The following TLL1 variants were observed in gnomAD, a reference collection of about 807,000 sequenced individuals.
TLL1 encodes the protein tolloid like 1.
In TLL1, 49 loss-of-function variants were observed where a neutral mutation model predicts 128.2. The ratio of observed to expected loss-of-function variants is 0.38; its 90% CI spans 0.30 to 0.48. The LOEUF (loss-of-function observed/expected upper bound fraction) is 0.48. Ranked by LOEUF, TLL1 falls within the 20% of genes least tolerant of loss-of-function variation. The pLI is 0.96. For synonymous variants in TLL1, 454 were observed against 418.8 expected (o/e 1.08, Z -1.03); for missense variants, 1,123 against 1,242.0 (o/e 0.90, Z 1.44).
chr4:166,025,371 CA>C lies in TLL1; in HGVS notation c.1100del (p.Asn367MetfsTer15), dbSNP rs1367601082. On this transcript the variant is annotated frameshift_variant, in exon 9 of 21. Transcript: ENST00000061240. LOFTEE classifies it high-confidence loss of function. ...NGNLSSPGFP[N>X]GYPSYTHCIW... Reference sequence around the variant, plus strand: ...GCAACCTTTCCTCTCCAGGATTTCCCAATGGCTACCCTTCTTACACACACTG... The same window carrying C: ...GCAACCTTTCCTCTCCAGGATTTCCCATGGCTACCCTTCTTACACACACTG... 1 of 1,613,808 alleles carries C rather than the reference CA, an allele frequency of 6.2e-7. No homozygotes were observed. The highest frequency in any genetic ancestry group is 1.3e-5 in the African/African-American group (1 of 74,884).
At chr4:165,915,077 A>T (rs968206274) in intron 1 of TLL1, among the ~76,000 whole-genome samples, 1 of 152,098 alleles carries the variant, frequency 6.6e-6, no homozygotes, top group Non-Finnish European at 1.5e-5. Context: ...GGGTCTTTTT[A>T]TATTACCTTT....
chr4:165,883,148 CA>C (rs1277815148), intron 1 of TLL1, among the ~76,000 whole-genome samples: 8 of 152,066 alleles, frequency 5.3e-5, no homozygotes, highest in African/African-American at 1.7e-4. Context: ...CTGTATGCTT[CA>C]AAAACAAGTG....
chr4:166,085,974 A>G (rs971877088), intron 18 of TLL1, among the ~76,000 whole-genome samples: 1 of 152,152 alleles, frequency 6.6e-6, no homozygotes, highest in Admixed American at 6.6e-5. Flanking sequence ...AGTGGCTGAT[A>G]GGTATAAACA....
At chr4:165,979,382 A>C (rs74287140) in intron 1 of TLL1, among the ~76,000 whole-genome samples, 12,953 of 152,090 alleles carry the variant, frequency 0.085, 1,689 homozygotes, top group African/African-American at 0.28. Context: ...ATTATATATT[A>C]AATATTATGC....
At chr4:165,995,967 C>CT (rs375162931) in intron 5 of TLL1, among the ~76,000 whole-genome samples, 1,608 of 152,080 alleles carry the variant, frequency 0.011, 27 homozygotes, top group African/African-American at 0.036. Flanking sequence ...TATAAATTAT[C>CT]TTTTTTTAAT....
chr4:165,885,429 T>G (rs1212579844), intron 1 of TLL1, among the ~76,000 whole-genome samples: 1 of 151,942 alleles, frequency 6.6e-6, no homozygotes, highest in South Asian at 2.1e-4. Flanking sequence ...TCACTCTTGC[T>G]AAACCCTCAG....
At chr4:166,072,387 C>CCT (rs951252770) in intron 16 of TLL1, among the ~76,000 whole-genome samples, 12 of 151,628 alleles carry the variant, frequency 7.9e-5, no homozygotes, top group African/African-American at 2.4e-4. Context: ...TCTTTTCCTT[C>CCT]CTCTTCTTTC....
intron 1 of TLL1, among the ~76,000 whole-genome samples, chr4:165,894,553 A>G (rs1731580307): frequency 6.6e-6 from 1 of 152,204 alleles, no homozygotes. Context: ...TTGCCATCCA[A>G]CTTAACCTAT....
chr4:165,885,115 C>T (rs768561231), intron 1 of TLL1, among the ~76,000 whole-genome samples: 3 of 151,900 alleles, frequency 2.0e-5, no homozygotes, highest in African/African-American at 4.8e-5. Flanking sequence ...AAAGAATAAC[C>T]GTATCTGGGT....
At chr4:165,883,830 C>A (rs535965770) in intron 1 of TLL1, among the ~76,000 whole-genome samples, 2 of 152,092 alleles carry the variant, frequency 1.3e-5, no homozygotes, top group Non-Finnish European at 2.9e-5. Context: ...CAGAGGCAAC[C>A]GATAGAAACA....
intron 12 of TLL1, among the ~76,000 whole-genome samples, chr4:166,046,471 A>G (rs562289666): frequency 4.3e-4 from 66 of 152,334 alleles, no homozygotes; most frequent in South Asian, 3.9e-3. Flanking sequence ...GGTGAGTACT[A>G]AAAGAGCATT....
rs1390629671 is a variant in TLL1, at chr4:166,103,128, A to G, written c.*2252A>G. 4 of 151,898 alleles carry G rather than the reference A, an allele frequency of 2.6e-5. No individual in the cohort carries two copies. The highest frequency in any genetic ancestry group is 9.7e-5 in the African/African-American group (4 of 41,410). 9.4% of individuals were successfully genotyped at this position (151,898 alleles called of 1,614,324 possible). ...TCCCAGAGTCACAGTGTAAAGTTAG[A>G]TGTTGAAACCCAGTTTATCTTATAC... On this transcript the variant is annotated 3_prime_UTR_variant, in exon 21 of 21. Transcript: ENST00000061240.
chr4:165,880,492 GA>G (rs1730925541), intron 1 of TLL1, among the ~76,000 whole-genome samples: 1 of 152,124 alleles, frequency 6.6e-6, no homozygotes, highest in East Asian at 1.9e-4. Flanking sequence ...TTAAAAAGTT[GA>G]AATCATATAT....
At chr4:166,069,046 A>G (rs562113188) in intron 16 of TLL1, among the ~76,000 whole-genome samples, 32 of 151,876 alleles carry the variant, frequency 2.1e-4, no homozygotes, top group African/African-American at 7.2e-4. Flanking sequence ...AAATATAAAA[A>G]TAAATATAAA....
chr4:165,969,012 T>A (rs1314740846), intron 1 of TLL1, among the ~76,000 whole-genome samples: 1 of 152,202 alleles, frequency 6.6e-6, no homozygotes, highest in Non-Finnish European at 1.5e-5. Context: ...CACATTGAGA[T>A]GCTTTGCGTT....
intron 1 of TLL1, among the ~76,000 whole-genome samples, chr4:165,932,026 T>A (rs1382728995): frequency 6.6e-6 from 1 of 152,174 alleles, no homozygotes; most frequent in Non-Finnish European, 1.5e-5. Context: ...AAGTAGGTGA[T>A]AAGCAGATGT....
chr4:165,973,768 T>C (rs559427413), intron 1 of TLL1, among the ~76,000 whole-genome samples: 4 of 151,786 alleles, frequency 2.6e-5, no homozygotes, highest in African/African-American at 9.7e-5. Flanking sequence ...CAGGTACAAG[T>C]AATTCTCTTG....
Position 166,083,401 on chromosome 4 carries a change from A to G in TLL1, c.2442+5371A>G, listed in dbSNP as rs1242439760. Among the ~76,000 whole-genome samples, 6 of 123,272 alleles carry G rather than the reference A, an allele frequency of 4.9e-5. 3 individuals are homozygous for G. Among genetic ancestry groups the G allele is most frequent in the Admixed American group, 1.9e-4 (2 of 10,314 alleles). The allele number at this position is 123,272 out of a possible 152,430, so 80.9% of individuals were successfully genotyped here. On this transcript the variant is annotated intron_variant, in intron 18 of 20. Coordinates refer to ENST00000061240, the MANE Select transcript of TLL1 (RefSeq NM_012464.5). ...TTGATCATATTTGTGGGGAAAAAAC[A>G]CTTAACATCCACTATCTTAGCATTT...
intron 12 of TLL1, chr4:166,044,274 G>T: frequency 1.0e-6 from 1 of 992,824 alleles, no homozygotes; most frequent in Non-Finnish European, 1.5e-6. Context: ...GTAGTCATGA[G>T]CCCTACTACC....
Sources: gnomAD v4.1 joint callset for allele counts (sites outside exome capture counted in the v4.1 genomes callset) on GRCh38, gnomAD v4.1.1 for gene constraint, MANE v1.5 for transcripts, NCBI Gene and HGNC (gene_info 2026-07-23, HGNC 2026-07-21) for gene names.